PHF21B: variants seen among roughly 807,000 people sequenced by gnomAD.
PHF21B encodes PHD finger protein 21B.
PHF21B carries 22 observed loss-of-function variants against 62.2 expected under a neutral mutation model. That is an observed-to-expected ratio of 0.35 (90% CI 0.25 to 0.51). PHF21B has a LOEUF of 0.51. Among genes scored for constraint, PHF21B ranks in the 20% least tolerant of loss-of-function variants. The probability of loss-of-function intolerance (pLI) is 0.97; values close to 1 mark genes in which losing one functional copy is unlikely to be tolerated. For missense variants in PHF21B, 701 were observed against 707.9 expected (o/e 0.99, Z 0.11); for synonymous variants, 341 against 314.7 (o/e 1.08, Z -0.88).
chr22:44,887,156 C>CA (rs565346064), intron 10 of PHF21B, among the ~76,000 whole-genome samples: 6,862 of 64,652 alleles, frequency 0.11, 622 homozygotes, highest in African/African-American at 0.24. Flanking sequence ...AACTCCATCT[C>CA]AAAAAAAAAA....
chr22:44,903,208 CCTGT>C (rs1284395716), intron 5 of PHF21B, among the ~76,000 whole-genome samples: 1 of 152,174 alleles, frequency 6.6e-6, no homozygotes, highest in Non-Finnish European at 1.5e-5. Flanking sequence ...CTGACCCAGC[CCTGT>C]CTAAGCTAAG....
intron 2 of PHF21B, among the ~76,000 whole-genome samples, chr22:44,984,399 T>C (rs1601679130): frequency 6.6e-6 from 1 of 152,066 alleles, no homozygotes; most frequent in Admixed American, 6.5e-5. Flanking sequence ...ACCCAGAGCC[T>C]TGGTTCTCAA....
At chr22:44,960,422 G>C (rs116789334) in intron 2 of PHF21B, among the ~76,000 whole-genome samples, 1 of 152,144 alleles carries the variant, frequency 6.6e-6, no homozygotes, top group Non-Finnish European at 1.5e-5. Context: ...CAACGACTAT[G>C]GTCACCTGCT....
rs533349634 is a variant in PHF21B at position 44,982,578 on chromosome 22, A to G, written c.120+25967T>C. On this transcript the variant is annotated intron_variant, in intron 2 of 12. Transcript: ENST00000313237. ...TAAGCAAACTCCCCCATGGGCTCAC[A>G]TCTCGCAGCCACTGCTTCTGCCCAA... 5.9e-5 allele frequency among the ~76,000 whole-genome samples: 9 copies of G among 152,310 alleles called. 1 individual carries two copies. The South Asian group carries it at 1.7e-3, about 28-fold the overall frequency.
At chr22:44,933,391 G>C (rs943142355) in intron 2 of PHF21B, 1 of 913,480 alleles carries the variant, frequency 1.1e-6, no homozygotes, top group Non-Finnish European at 1.3e-6. Context: ...GATTACAGGC[G>C]TGAGCCACTG....
intron 2 of PHF21B, among the ~76,000 whole-genome samples, chr22:44,930,653 G>A (rs1297356302): frequency 6.6e-6 from 1 of 152,228 alleles, no homozygotes; most frequent in Non-Finnish European, 1.5e-5. Flanking sequence ...CAGTGAAGGA[G>A]GAGAGGAGGG....
At chr22:44,952,215 C>A (rs888797627) in intron 2 of PHF21B, among the ~76,000 whole-genome samples, 1 of 152,094 alleles carries the variant, frequency 6.6e-6, no homozygotes, top group Non-Finnish European at 1.5e-5. Flanking sequence ...TGGTGGCAGA[C>A]GCCTATAATC....
At chr22:44,995,820 C>T (rs937082830) in intron 2 of PHF21B, among the ~76,000 whole-genome samples, 1 of 149,252 alleles carries the variant, frequency 6.7e-6, no homozygotes, top group African/African-American at 2.5e-5. Flanking sequence ...CATCCCCCCA[C>T]GTGATTCGGG....
Position 45,009,516 on chromosome 22 carries a change from C to T in PHF21B, c.34G>A (p.Val12Met). 1.3e-6 allele frequency: 2 copies of T among 1,566,260 alleles called. No homozygotes were observed. Among genetic ancestry groups the T allele is most frequent in the Non-Finnish European group, 1.7e-6 (2 of 1,165,454 alleles). The part of the protein sequence containing the change: ...ELQSRPEALA[V>M]ELARHQNGDL... ...CCTACCTGGTGGCGCGCGAGTTCCA[C>T]GGCGAGCGCCTCGGGCCGGCTCTGC... Residue 12 changes from valine to methionine, a missense_variant, in exon 1 of 13, where the codon GTG (valine) becomes ATG (methionine). Coordinates refer to ENST00000313237, the MANE Select transcript of PHF21B (RefSeq NM_138415.5). This position sits in a 1 kb window ranked among gnomAD's most constrained non-coding sequence, Gnocchi z 5.9.
At chr22:44,975,882 T>G (rs1278631022) in intron 2 of PHF21B, among the ~76,000 whole-genome samples, 1 of 152,256 alleles carries the variant, frequency 6.6e-6, no homozygotes, top group South Asian at 2.1e-4. Context: ...TTTAAAAATT[T>G]TGGGTTGGGC....
chr22:44,990,038 G>A (rs184392990), intron 2 of PHF21B, among the ~76,000 whole-genome samples: 3 of 152,370 alleles, frequency 2.0e-5, no homozygotes, highest in African/African-American at 7.2e-5. Flanking sequence ...CGTGAATGCT[G>A]CCGCTGCCTC....
intron 2 of PHF21B, among the ~76,000 whole-genome samples, chr22:44,925,541 C>G (rs1403967390): frequency 6.6e-6 from 1 of 152,174 alleles, no homozygotes; most frequent in Non-Finnish European, 1.5e-5. Flanking sequence ...TGCATGGAAC[C>G]AAATGACCCA....
chr22:44,944,917 C>T (rs558945137), intron 2 of PHF21B, among the ~76,000 whole-genome samples: 162 of 152,358 alleles, frequency 1.1e-3, no homozygotes, highest in African/African-American at 3.7e-3. Context: ...GACGGTCACT[C>T]CTGCCTTCCT....
intron 2 of PHF21B, among the ~76,000 whole-genome samples, chr22:44,984,044 CCATCATCACTATCATCAT>C (rs2072889860): frequency 6.7e-6 from 1 of 148,638 alleles, no homozygotes; most frequent in Non-Finnish European, 1.5e-5. Flanking sequence ...ATCATCACCA[CCATCATCACTATCATCAT>C]CATCACCATC....
At chr22:44,888,669 T>G (rs74548394) in intron 9 of PHF21B, among the ~76,000 whole-genome samples, 3 of 152,070 alleles carry the variant, frequency 2.0e-5, no homozygotes, top group African/African-American at 2.4e-5. Flanking sequence ...AACTTCAGAG[T>G]TGGAAAAGAC....
intron 2 of PHF21B, among the ~76,000 whole-genome samples, chr22:44,977,957 A>C (rs1277638373): frequency 6.6e-6 from 1 of 151,836 alleles, no homozygotes; most frequent in African/African-American, 2.4e-5. Flanking sequence ...GAAAACTTCA[A>C]CTCCAAGCTC....
intron 2 of PHF21B, among the ~76,000 whole-genome samples, chr22:45,001,538 C>A (rs2073218312): frequency 6.6e-6 from 1 of 152,202 alleles, no homozygotes; most frequent in Non-Finnish European, 1.5e-5. Context: ...TGTGGACACA[C>A]CTGCCTCCCC....
At chr22:44,952,987 G>A (rs889590014) in intron 2 of PHF21B, among the ~76,000 whole-genome samples, 21 of 151,350 alleles carry the variant, frequency 1.4e-4, no homozygotes, top group African/African-American at 3.4e-4. Flanking sequence ...TCCCCATTCC[G>A]CAGACCCCTG....
chr22:44,886,646 T>C (rs2147246294), intron 10 of PHF21B, among the ~76,000 whole-genome samples: 1 of 151,192 alleles, frequency 6.6e-6, no homozygotes, highest in East Asian at 2.0e-4. Flanking sequence ...GTGCTCATGC[T>C]CCTGCACTCT....
Sources: gnomAD v4.1 joint callset for allele counts (sites outside exome capture counted in the v4.1 genomes callset) on GRCh38, gnomAD v4.1.1 for gene constraint, Gnocchi (gnomAD v3.1) non-coding constraint, MANE v1.5 for transcripts, NCBI Gene and HGNC (gene_info 2026-07-23, HGNC 2026-07-21) for gene names.